DNAH10: variants seen among roughly 807,000 people sequenced by gnomAD.
DNAH10 encodes axonemal beta dynein heavy chain 10.
In DNAH10, 348 loss-of-function variants were observed where a neutral mutation model predicts 506.6. The observed-to-expected ratio is 0.69, with a 90% CI of 0.63 to 0.75. The LOEUF is 0.75. DNAH10 is among the 30% of genes least tolerant of loss of function. The pLI is 0.00. For synonymous variants in DNAH10, 2,059 were observed against 2,198.6 expected (o/e 0.94, Z 1.78); for missense variants, 5,179 against 5,787.1 (o/e 0.89, Z 3.41).
At chr12:123,934,390 C>T (rs1379025075) in intron 77 of DNAH10, 2 of 663,446 alleles carry the variant, frequency 3.0e-6, no homozygotes, top group South Asian at 1.7e-5. Context: ...GCCCCACACC[C>T]ATTTCTCTGG....
intron 13 of DNAH10, 93 bp downstream of exon 13, chr12:123,796,925 C>A: frequency 8.2e-7 from 1 of 1,224,224 alleles, no homozygotes; most frequent in Non-Finnish European, 1.1e-6. Context: ...GGCTGGAGTG[C>A]AGTGGCGCAA....
chr12:123,798,291 T>C (rs944359050), intron 13 of DNAH10, among the ~76,000 whole-genome samples: 1 of 152,202 alleles, frequency 6.6e-6, no homozygotes, highest in African/African-American at 2.4e-5. Context: ...TTCTGCAGGC[T>C]GTACAGGTAG....
In DNAH10 at chr12:123,880,758, G is replaced by A. The variant is rs1265645934; in HGVS notation, c.8635-867G>A. 1.0e-4 allele frequency among the ~76,000 whole-genome samples: 15 copies of A among 150,418 alleles called. No homozygotes were observed. The East Asian group carries it at 1.8e-3, about 18-fold the overall frequency. Reference sequence around the variant, plus strand: ...GTTGGTGTAGTGCACCCATTAACTCGTCATTTACATTAGGTGTATCTCCTA... The same window carrying A: ...GTTGGTGTAGTGCACCCATTAACTCATCATTTACATTAGGTGTATCTCCTA... On this transcript the variant is annotated intron_variant, in intron 50 of 78. Transcript: ENST00000673944.
intron 13 of DNAH10, among the ~76,000 whole-genome samples, chr12:123,798,883 A>G (rs535914358): frequency 2.0e-4 from 30 of 149,930 alleles, no homozygotes; most frequent in African/African-American, 7.0e-4. Context: ...AGGTGGGCAG[A>G]TCACCTGAGG....
At chr12:123,871,871 T>C (rs1460484432) in intron 45 of DNAH10, among the ~76,000 whole-genome samples, 2 of 152,238 alleles carry the variant, frequency 1.3e-5, no homozygotes, top group African/African-American at 2.4e-5. Flanking sequence ...CCTCAGTTCC[T>C]CACCATGTGG....
rs1213515564 is a variant in DNAH10, at chr12:123,907,753, C to T, written c.9816-1508C>T. Among the ~76,000 whole-genome samples the T allele has an allele frequency of 2.0e-5, 3 of 152,180 alleles. No individual in the cohort carries two copies. Among genetic ancestry groups the T allele is most frequent in the Non-Finnish European group, 2.9e-5 (2 of 68,026 alleles). On this transcript the variant is annotated intron_variant, in intron 57 of 78. Transcript: ENST00000673944. The surrounding 1 kb of genome is among the most constrained non-coding windows in gnomAD (Gnocchi z 4.4). The stretch of plus-strand genomic sequence containing the variant: ...TTTCCCCACCTGCTTGTTCACAGAG[C>T]GGTGGCCGGGGCCTGGTTTCCATCC...
At chr12:123,822,841 A>G (rs940286455) in intron 24 of DNAH10, among the ~76,000 whole-genome samples, 1 of 152,198 alleles carries the variant, frequency 6.6e-6, no homozygotes, top group Non-Finnish European at 1.5e-5. Context: ...CACCTTCCTC[A>G]GCCTTTTGTT....
chr12:123,806,556 C>CTTTTGGAGTGTA (rs1958680349), intron 18 of DNAH10, among the ~76,000 whole-genome samples: 1 of 152,162 alleles, frequency 6.6e-6, no homozygotes, highest in Non-Finnish European at 1.5e-5. Context: ...CTAAAAATCT[C>CTTTTGGAGTGTA]TTTTGGAATA....
intron 13 of DNAH10, among the ~76,000 whole-genome samples, chr12:123,798,196 G>C (rs1958350322): frequency 6.6e-6 from 1 of 152,230 alleles, no homozygotes; most frequent in South Asian, 2.1e-4. Context: ...AGTCAACCTA[G>C]ATTTCAAGTT....
chr12:123,922,886 T>C (rs1312416408), intron 65 of DNAH10: 3 of 152,214 alleles, frequency 2.0e-5, no homozygotes, highest in Non-Finnish European at 4.4e-5. Context: ...CCAAATACTG[T>C]CATATTCTCA....
chr12:123,848,915 C>CTA (rs1951058599), intron 34 of DNAH10, 33 bp downstream of exon 34: 1 of 1,608,270 alleles, frequency 6.2e-7, no homozygotes, highest in Admixed American at 1.7e-5. Flanking sequence ...GACCATGTCC[C>CTA]TAGGATGGAA....
intron 52 of DNAH10, among the ~76,000 whole-genome samples, chr12:123,891,514 G>A (rs1399720884): frequency 6.6e-6 from 1 of 152,170 alleles, no homozygotes; most frequent in African/African-American, 2.4e-5. Flanking sequence ...GAACCATCCA[G>A]GGAGAGCCCA....
intron 65 of DNAH10, among the ~76,000 whole-genome samples, chr12:123,922,306 G>T (rs1954766068): frequency 6.6e-6 from 1 of 152,046 alleles, no homozygotes; most frequent in African/African-American, 2.4e-5. Context: ...AACCCGGGAG[G>T]CGGAGGTTGC....
rs780682604 is a variant in DNAH10, at chr12:123,801,404, A to T, written c.2586A>T (p.Gly862=). The change falls in exon 16 of 79, where the codon GGA becomes GGT. Residue 862 remains glycine (G), a synonymous_variant. Coordinates refer to ENST00000673944, the MANE Select transcript of DNAH10 (RefSeq NM_001372106.1). The part of the protein sequence containing the change: ...SQELLRVFRS[G]YKRLNWNSLG... ...AACTGCTCCGAGTGTTTAGGTCGGG[A>T]TATAAGAGGTTGAACTGGAACTCAC... 5 of 1,614,122 alleles carry T rather than the reference A, an allele frequency of 3.1e-6. No individual in the cohort carries two copies. Among genetic ancestry groups the T allele is most frequent in the Middle Eastern group, 1.6e-4 (1 of 6,062 alleles).
At position 123,908,102 on chromosome 12, in the gene DNAH10, CCTGTCTCCTCCCTGTCTCT is replaced by C. The variant is rs1566082847; in HGVS notation, c.9816-1121_9816-1103del. On this transcript the variant is annotated intron_variant, in intron 57 of 78. Coordinates refer to ENST00000673944, the MANE Select transcript of DNAH10 (RefSeq NM_001372106.1). The stretch of plus-strand genomic sequence containing the variant: ...TGTCTCTCTGTCTCCTCCCTGTCTC[CCTGTCTCCTCCCTGTCTCT>C]CTGTCTCCTCCCTGTCTCTCTGTCT... Among the ~76,000 whole-genome samples the C allele has an allele frequency of 4.1e-3, 448 of 108,286 alleles. 6 individuals are homozygous for C. The highest frequency in any genetic ancestry group is 7.0e-3 in the Non-Finnish European group (373 of 53,086). The allele number at this position is 108,286 out of a possible 152,430, so 71.0% of individuals were successfully genotyped here.
At chr12:123,786,009 T>TA in intron 9 of DNAH10, 73 bp downstream of exon 9, 1 of 1,398,434 alleles carries the variant, frequency 7.2e-7, no homozygotes, top group Non-Finnish European at 9.7e-7. Context: ...TAAACAGCTC[T>TA]ATTGAGCTAT....
chr12:123,815,296 G>A (rs1959106983), intron 21 of DNAH10, among the ~76,000 whole-genome samples: 1 of 151,918 alleles, frequency 6.6e-6, no homozygotes. Context: ...AGATGCTCTT[G>A]TAATTGGTAT....
At chr12:123,892,955 G>A (rs1953052699) in intron 52 of DNAH10, among the ~76,000 whole-genome samples, 1 of 152,224 alleles carries the variant, frequency 6.6e-6, no homozygotes, top group Admixed American at 6.5e-5. Flanking sequence ...ACAGGCAAGT[G>A]AGGCCTCCTC....
chr12:123,848,018 G>A lies in DNAH10; in HGVS notation c.5872G>A (p.Glu1958Lys), dbSNP rs760928853. 6 of 1,613,834 alleles carry A rather than the reference G, an allele frequency of 3.7e-6. No homozygotes were observed. Among genetic ancestry groups the A allele is most frequent in the African/African-American group, 1.3e-5 (1 of 74,930 alleles). ...PAGPAGTGKT[E>K]TTKDLAKALG... is the part of the protein sequence containing the mutation. ...CGGCCCAGCAGGAACCGGCAAAACC[G>A]AGACCACCAAGGACCTGGCGAAAGC... The change falls in exon 33 of 79, where the codon GAG becomes AAG. Residue 1958 changes from glutamate (E) to lysine (K), a missense_variant. Physicochemically the swap from Glu to Lys is moderately conservative, Grantham distance 56 (BLOSUM62 1). This residue lies in a region of DNAH10 where 4,844 missense variants were observed against 5,430.5 expected (regional missense o/e 0.89). Transcript: ENST00000673944.
Sources: gnomAD v4.1 joint callset for allele counts (sites outside exome capture counted in the v4.1 genomes callset) on GRCh38, gnomAD v4.1.1 for gene constraint, gnomAD v4.1.1 regional missense constraint, Gnocchi (gnomAD v3.1) non-coding constraint, MANE v1.5 for transcripts, NCBI Gene and HGNC (gene_info 2026-07-23, HGNC 2026-07-21) for gene names.